The following SPATA33 variants were observed in gnomAD, a reference collection of about 807,000 sequenced individuals.
SPATA33 encodes the protein spermatogenesis-associated protein 33.
In SPATA33, 10 loss-of-function variants were observed where a neutral mutation model predicts 8.9. The ratio of observed to expected loss-of-function variants is 1.12; its 90% CI spans 0.69 to 1.90. SPATA33 has a LOEUF of 1.90. Among genes scored for constraint, SPATA33 ranks in the 40% most tolerant of loss-of-function variants. The pLI is 0.00. For synonymous variants in SPATA33, 96 were observed against 72.8 expected, an observed-to-expected ratio of 1.32 and a Z score of -1.63; for missense variants, 241 against 178.3, an observed-to-expected ratio of 1.35 and a Z score of -2.00.
chr16:89,659,700 A>AT (rs1183407527), intron 2 of SPATA33: 1 of 151,860 alleles, frequency 6.6e-6, no homozygotes, highest in Non-Finnish European at 1.5e-5. Flanking sequence ...AAAAAAAAAA[A>AT]TAATAAGGAG....
At chr16:89,663,765 C>CTAT (rs2059991659) in intron 2 of SPATA33, among the ~76,000 whole-genome samples, 1 of 152,070 alleles carries the variant, frequency 6.6e-6, no homozygotes, top group African/African-American at 2.4e-5. Flanking sequence ...GCTGTACATA[C>CTAT]ACTCATAGTA....
intron 2 of SPATA33, among the ~76,000 whole-genome samples, chr16:89,669,036 A>G (rs533030990): frequency 6.6e-6 from 1 of 152,182 alleles, no homozygotes; most frequent in South Asian, 2.1e-4. Flanking sequence ...CCTGCCACGG[A>G]TAGTGGAAGT....
At chr16:89,662,286 T>G (rs1318428383) in intron 2 of SPATA33, among the ~76,000 whole-genome samples, 1 of 120,714 alleles carries the variant, frequency 8.3e-6, no homozygotes, top group Non-Finnish European at 1.7e-5. Flanking sequence ...GGAGTGAGAC[T>G]CCATCTCAAA....
At chr16:89,661,849 C>G (rs1039132797) in intron 2 of SPATA33, among the ~76,000 whole-genome samples, 2 of 152,120 alleles carry the variant, frequency 1.3e-5, no homozygotes, top group African/African-American at 2.4e-5. Flanking sequence ...TCCGTCACTC[C>G]TGAGACAGTC....
intron 1 of SPATA33, 148 bp downstream of exon 1, chr16:89,658,096 G>C (rs1210594596): frequency 2.7e-6 from 4 of 1,488,182 alleles, no homozygotes; most frequent in Non-Finnish European, 3.5e-6. Context: ...GCCACGGACG[G>C]CGCGTTTCCC....
At chr16:89,665,337 C>G (rs1431471621) in intron 2 of SPATA33, among the ~76,000 whole-genome samples, 1 of 142,348 alleles carries the variant, frequency 7.0e-6, no homozygotes, top group Non-Finnish European at 1.5e-5. Context: ...GAGTCTTGCT[C>G]TGTCGCCACC....
In SPATA33 at chr16:89,669,295, A is replaced by T. The variant is rs2060066013; in HGVS notation, c.221A>T (p.Asp74Val). The change falls in exon 3 of 3, where the codon GAT (aspartate) becomes GTT (valine). Residue 74 changes from aspartate to valine, a missense_variant. By Grantham distance (152) the Asp-to-Val change is radical (BLOSUM62 -3). Transcript: ENST00000579310. ...ATGTTTTTTCCTCTAGAGAAACCTG[A>T]TGTAAAGCAAAAGTCCAGCAGGAAG... ...PPAASLEEKPDVKQKSSRKKV... is the reference protein window; with the variant it reads ...PPAASLEEKPVVKQKSSRKKV... 4 of 1,614,210 alleles carry T rather than the reference A, an allele frequency of 2.5e-6. No homozygotes were observed. In the African/African-American group the frequency reaches 4.0e-5, roughly 16 times the overall value.
rs189143733 is a variant in SPATA33 at position 89,670,428 on chromosome 16, A to G, written c.*931A>G. 6.6e-6 allele frequency: 1 copy of G among 152,292 alleles called. No individual in the cohort carries two copies. The highest frequency in any genetic ancestry group is 2.4e-5 in the African/African-American group (1 of 41,466). The allele number at this position is 152,292 out of a possible 1,614,324, so 9.4% of individuals were successfully genotyped here. On this transcript the variant is annotated 3_prime_UTR_variant, in exon 3 of 3. Transcript: ENST00000579310. ...AGAGAGCGAGCTTTGTGGTATTGAT[A>G]AATGAATAAATTAGTATGTTCATGT... is the stretch of plus-strand genomic sequence containing the variant.
At chr16:89,662,799 GT>G (rs1367362604) in intron 2 of SPATA33, among the ~76,000 whole-genome samples, 2 of 148,118 alleles carry the variant, frequency 1.4e-5, no homozygotes, top group Non-Finnish European at 3.0e-5. Flanking sequence ...ACGTTTTGTT[GT>G]TTGTTTGTTT....
intron 2 of SPATA33, among the ~76,000 whole-genome samples, chr16:89,665,787 G>C (rs1460443184): frequency 2.6e-5 from 4 of 151,942 alleles, no homozygotes; most frequent in African/African-American, 9.7e-5. Context: ...TTCATCTAAA[G>C]AATAAAAATG....
In SPATA33 at chr16:89,657,899, G is replaced by A. The variant is rs1340144559; in HGVS notation, c.-13G>A. The A allele has an allele frequency of 3.3e-6, 5 of 1,517,176 alleles. No homozygotes were observed. The highest frequency in any genetic ancestry group is 4.4e-6 in the Non-Finnish European group (5 of 1,139,652). 94.0% of individuals were successfully genotyped at this position (1,517,176 alleles called of 1,614,324 possible). On this transcript the variant is annotated 5_prime_UTR_variant, in exon 1 of 3. Transcript: ENST00000579310. ...GACCCGGGCTTGCGTCGGAGGGGGC[G>A]GTGGGCTCACCCATGGGCCTTTCCA...
chr16:89,661,241 C>G, intron 2 of SPATA33: 1 of 982,434 alleles, frequency 1.0e-6, no homozygotes, highest in Non-Finnish European at 1.2e-6. Context: ...ACCCAAATCT[C>G]ATTTTGAATT....
rs553961574 is a variant in SPATA33, at chr16:89,660,751, A to T, written c.211+2330A>T. On this transcript the variant is annotated intron_variant, in intron 2 of 2. Transcript: ENST00000579310. ...AAATGGGAGCCGGCCACAGCTGAGC[A>T]CAAGAGGACTTTGGAGGGTGATGGA... 7.3e-6 allele frequency: 6 copies of T among 817,534 alleles called. No homozygotes were observed. The East Asian group carries it at 1.7e-4, about 23-fold the overall frequency. 50.6% of individuals were successfully genotyped at this position (817,534 alleles called of 1,614,324 possible). A position where few individuals can be genotyped will look rare whatever the true frequency, so the allele number is the denominator to read the frequency against.
At chr16:89,661,716 T>TG (rs1313725470) in intron 2 of SPATA33, among the ~76,000 whole-genome samples, 14 of 151,822 alleles carry the variant, frequency 9.2e-5, no homozygotes, top group Non-Finnish European at 1.9e-4. Context: ...ATAAAGAACT[T>TG]GAAAAAAAAG....
chr16:89,660,911 G>C, intron 2 of SPATA33: 1 of 1,043,688 alleles, frequency 9.6e-7, no homozygotes, highest in Non-Finnish European at 1.2e-6. Flanking sequence ...CTGGAACCTT[G>C]AGTCTTCTCA....
At position 89,669,439 on chromosome 16, in the gene SPATA33, A is replaced by G. The variant is rs2060069537; in HGVS notation, c.365A>G (p.Tyr122Cys). 6.2e-7 allele frequency: 1 copy of G among 1,613,790 alleles called. No individual in the cohort carries two copies. Among genetic ancestry groups the G allele is most frequent in the African/African-American group, 1.3e-5 (1 of 74,908 alleles). Reference protein sequence around the residue: ...TIREPEDWGPYRRHRNPSTAD... With the variant: ...TIREPEDWGPCRRHRNPSTAD... Reference sequence around the variant, plus strand: ...CGGGAGCCGGAGGACTGGGGCCCCTACCGGCGGCACAGGAACCCCAGTACA... The same window carrying G: ...CGGGAGCCGGAGGACTGGGGCCCCTGCCGGCGGCACAGGAACCCCAGTACA... The change falls in exon 3 of 3, where the codon TAC becomes TGC. Residue 122 changes from tyrosine to cysteine, a missense_variant. Transcript: ENST00000579310.
chr16:89,666,069 G>C (rs1258798385), intron 2 of SPATA33, among the ~76,000 whole-genome samples: 3 of 151,992 alleles, frequency 2.0e-5, no homozygotes, highest in African/African-American at 7.3e-5. Context: ...CGACAAGAGT[G>C]AGAATCCATC....
In SPATA33 at chr16:89,669,366, AC is replaced by A. The variant is rs1438431687; in HGVS notation, c.293del (p.Thr98SerfsTer2). ...CATCATCACGCGAGCGTCGAATGAG[AC>A]GCTAGTCAGTTGCAGTTCCAGCGGG... ...QIIITRASNE[T>X]LVSCSSSGSD... On this transcript the variant is annotated frameshift_variant, in exon 3 of 3. Transcript: ENST00000579310. LOFTEE classifies it low-confidence loss of function (END_TRUNC). 2 of 1,614,184 alleles carry A rather than the reference AC, an allele frequency of 1.2e-6. No individual in the cohort carries two copies. Among genetic ancestry groups the A allele is most frequent in the East Asian group, 4.5e-5 (2 of 44,888 alleles).
At position 89,658,255 on chromosome 16, in the gene SPATA33, G is replaced by A; in HGVS notation, c.45G>A (p.Glu15=). The change falls in exon 2 of 3, where the codon GAG becomes GAA. Residue 15 remains glutamate, a synonymous_variant. Transcript: ENST00000579310. ...ATGATCCATATATTTCAGGTGAGGA[G>A]CAAAAGAAGGGATCCACCTATTCAG... ...KSKEKPRKGE[E]QKKGSTYSVP... 6.2e-7 allele frequency: 1 copy of A among 1,614,178 alleles called. No individual in the cohort carries two copies. The highest frequency in any genetic ancestry group is 8.5e-7 in the Non-Finnish European group (1 of 1,180,016).
Sources: allele counts gnomAD v4.1 joint callset (sites outside exome capture counted in the v4.1 genomes callset), GRCh38; gene constraint gnomAD v4.1.1; transcripts MANE v1.5; gene names NCBI Gene and HGNC (gene_info 2026-07-23, HGNC 2026-07-21).